BMP5: variants seen among roughly 807,000 people sequenced by gnomAD.
BMP5 encodes bone morphogenetic protein 5.
BMP5 carries 23 observed loss-of-function variants against 46.6 expected under a neutral mutation model. The observed-to-expected ratio is 0.49, with a 90% CI of 0.35 to 0.70. The LOEUF (loss-of-function observed/expected upper bound fraction) is 0.70, where lower values mean the gene tolerates loss of function less well. Among genes scored for constraint, BMP5 ranks in the 30% least tolerant of loss-of-function variants. BMP5 has a pLI of 0.00. For missense variants in BMP5, 545 were observed against 565.6 expected, an observed-to-expected ratio of 0.96 and a Z score of 0.37; for synonymous variants, 204 against 191.9, an observed-to-expected ratio of 1.06 and a Z score of -0.52.
chr6:55,857,968 C>T (rs545055754), intron 1 of BMP5, among the ~76,000 whole-genome samples: 2 of 152,194 alleles, frequency 1.3e-5, no homozygotes, highest in Admixed American at 1.3e-4. Context: ...GAATGCCTGA[C>T]CTCAGGTGAT....
In BMP5 at chr6:55,766,042, T is replaced by G. The variant is rs548201148; in HGVS notation, c.1028-5509A>C. 2.1e-3 allele frequency among the ~76,000 whole-genome samples: 322 copies of G among 152,238 alleles called. 1 individual carries two copies. Among genetic ancestry groups the G allele is most frequent in the African/African-American group, 7.1e-3 (293 of 41,546 alleles). Reference sequence around the variant, plus strand: ...CCATCAGTCGTCCAGGCCAGAAAATTTAATAAGCTTCTTGATTTTCATTTT... The same window carrying G: ...CCATCAGTCGTCCAGGCCAGAAAATGTAATAAGCTTCTTGATTTTCATTTT... On this transcript the variant is annotated intron_variant, in intron 4 of 6. Coordinates refer to ENST00000370830, the MANE Select transcript of BMP5 (RefSeq NM_021073.4).
chr6:55,778,002 T>C (rs1376578020), intron 3 of BMP5, among the ~76,000 whole-genome samples: 1 of 152,012 alleles, frequency 6.6e-6, no homozygotes. Context: ...TCCGAAATTA[T>C]CTTCTGTATT....
At chr6:55,863,099 T>C (rs1223406928) in intron 1 of BMP5, among the ~76,000 whole-genome samples, 1 of 152,152 alleles carries the variant, frequency 6.6e-6, no homozygotes, top group African/African-American at 2.4e-5. Flanking sequence ...TCTGGCCCAA[T>C]AGTAGGTAAT....
chr6:55,830,377 G>C (rs1013769601), intron 1 of BMP5, among the ~76,000 whole-genome samples: 1 of 151,930 alleles, frequency 6.6e-6, no homozygotes, highest in African/African-American at 2.4e-5. Flanking sequence ...TATTTGGGTT[G>C]ACATGGTTTC....
intron 2 of BMP5, 26 bp from the exon 3 acceptor site, chr6:55,794,453 A>G: frequency 6.2e-7 from 1 of 1,611,786 alleles, no homozygotes; most frequent in Middle Eastern, 1.7e-4. Flanking sequence ...ACAACAAAAA[A>G]AGTTAAAGGT....
At chr6:55,806,131 A>C (rs553696729) in intron 2 of BMP5, among the ~76,000 whole-genome samples, 1 of 152,122 alleles carries the variant, frequency 6.6e-6, no homozygotes, top group African/African-American at 2.4e-5. Context: ...TTTTCATCAT[A>C]AAGTATTTGC....
intron 1 of BMP5, among the ~76,000 whole-genome samples, chr6:55,823,167 G>A (rs73446194): frequency 0.012 from 1,883 of 152,052 alleles, 38 homozygotes; most frequent in African/African-American, 0.043. Flanking sequence ...ATAAATCTTC[G>A]TTCAATACCT....
At chr6:55,818,943 T>TAGATAGAC (rs1554183645) in intron 2 of BMP5, among the ~76,000 whole-genome samples, 14 of 150,784 alleles carry the variant, frequency 9.3e-5, no homozygotes, top group African/African-American at 2.5e-4. Context: ...GATAGATAGA[T>TAGATAGAC]AGACAGACAG....
chr6:55,761,016 G>A (rs1432785189), intron 4 of BMP5, among the ~76,000 whole-genome samples: 2 of 151,974 alleles, frequency 1.3e-5, no homozygotes, highest in Non-Finnish European at 2.9e-5. Flanking sequence ...GATACCACAA[G>A]TTGAGCTTCT....
chr6:55,860,113 A>G (rs559442360), intron 1 of BMP5, among the ~76,000 whole-genome samples: 2 of 152,238 alleles, frequency 1.3e-5, no homozygotes, highest in East Asian at 1.9e-4. Context: ...CATCTCCAAA[A>G]CAATTTTAAA....
intron 2 of BMP5, among the ~76,000 whole-genome samples, chr6:55,803,176 A>T (rs914612289): frequency 2.0e-5 from 3 of 151,126 alleles, no homozygotes; most frequent in African/African-American, 7.3e-5. Flanking sequence ...GGCGCCTGTA[A>T]TCCCAGCTAC....
At chr6:55,856,530 G>A (rs1010542223) in intron 1 of BMP5, among the ~76,000 whole-genome samples, 12 of 152,196 alleles carry the variant, frequency 7.9e-5, no homozygotes, top group Middle Eastern at 3.4e-3. Flanking sequence ...CATCATTGAC[G>A]CACTTGGTTT....
At chr6:55,780,650 C>T (rs1478029827) in intron 3 of BMP5, among the ~76,000 whole-genome samples, 1 of 151,816 alleles carries the variant, frequency 6.6e-6, no homozygotes, top group Non-Finnish European at 1.5e-5. Context: ...AAGATACTGT[C>T]GTGCCCCACA....
rs1774748710 is a variant in BMP5 at position 55,760,602 on chromosome 6, C to A, written c.1028-69G>T. On this transcript the variant is annotated intron_variant, in intron 4 of 6. Coordinates refer to ENST00000370830, the MANE Select transcript of BMP5 (RefSeq NM_021073.4). ...TATACTAATACTTCTTTTGTGAGAT[C>A]ACTGGTAAGATTTTTTAAAGGGGTT... 2.9e-6 allele frequency: 4 copies of A among 1,370,560 alleles called. No homozygotes were observed. In the South Asian group the frequency reaches 4.8e-5, roughly 16 times the overall value. 84.9% of individuals were successfully genotyped at this position (1,370,560 alleles called of 1,614,324 possible).
At chr6:55,833,725 T>C (rs1776717651) in intron 1 of BMP5, among the ~76,000 whole-genome samples, 2 of 152,198 alleles carry the variant, frequency 1.3e-5, no homozygotes, top group South Asian at 4.1e-4. Context: ...TAAAAGTCTG[T>C]GTCGTTAACT....
intron 1 of BMP5, among the ~76,000 whole-genome samples, chr6:55,847,613 A>G (rs941149629): frequency 4.6e-5 from 7 of 151,906 alleles, no homozygotes; most frequent in Non-Finnish European, 7.4e-5. Context: ...ATATTAATGG[A>G]AAAAAATCAA....
chr6:55,763,179 T>TAACA (rs956557584), intron 4 of BMP5, among the ~76,000 whole-genome samples: 4 of 152,038 alleles, frequency 2.6e-5, no homozygotes, highest in Non-Finnish European at 5.9e-5. Context: ...TAAATATGAA[T>TAACA]AACAACATTG....
intron 4 of BMP5, chr6:55,772,747 A>T (rs1336078803): frequency 2.0e-6 from 2 of 984,916 alleles, no homozygotes; most frequent in African/African-American, 3.5e-5. Context: ...TTAAAACATC[A>T]CCTTATAAGC....
At chr6:55,792,460 G>C (rs942916964) in intron 3 of BMP5, among the ~76,000 whole-genome samples, 1 of 151,748 alleles carries the variant, frequency 6.6e-6, no homozygotes, top group Non-Finnish European at 1.5e-5. Context: ...CTTGAATCGG[G>C]GAGGCAGAGC....
Sources: gnomAD v4.1 joint callset for allele counts (sites outside exome capture counted in the v4.1 genomes callset) on GRCh38, gnomAD v4.1.1 for gene constraint, MANE v1.5 for transcripts, NCBI Gene and HGNC (gene_info 2026-07-23, HGNC 2026-07-21) for gene names.